Variants in GSE1 observed in about 807,000 individuals in gnomAD.
The protein encoded by GSE1 is Gse1 coiled-coil protein, also known as genetic suppressor element 1.
A neutral mutation model predicts 112.6 loss-of-function variants in GSE1; 32 were observed. That is an observed-to-expected ratio of 0.28 (90% CI 0.21 to 0.38). GSE1 has a LOEUF of 0.38. Among genes scored for constraint, GSE1 ranks in the 10% least tolerant of loss-of-function variants. The pLI is 1.00. For synonymous variants in GSE1, 1,115 were observed against 735.6 expected (o/e 1.52, Z -8.35); for missense variants, 2,348 against 1,699.2 (o/e 1.38, Z -6.71).
chr16:85,532,677 C>G (rs112257574), intron 2 of GSE1, among the ~76,000 whole-genome samples: 8,520 of 152,286 alleles, frequency 0.056, 664 homozygotes, highest in African/African-American at 0.17. Context: ...CTGAGCAGAG[C>G]CCCCAGGCTC....
chr16:85,414,598 T>C (rs1027801276), intron 2 of GSE1, among the ~76,000 whole-genome samples: 20 of 152,178 alleles, frequency 1.3e-4, no homozygotes, highest in Admixed American at 1.3e-4. Context: ...AGCATCATAA[T>C]TTTGATATGC....
chr16:85,452,340 C>T (rs752623880), intron 2 of GSE1, among the ~76,000 whole-genome samples: 10 of 152,212 alleles, frequency 6.6e-5, no homozygotes, highest in Non-Finnish European at 1.5e-4. Flanking sequence ...TAATTAACAG[C>T]GGGTGCTGAG....
At chr16:85,566,035 C>A (rs1598206087) in intron 1 of GSE1, among the ~76,000 whole-genome samples, 1 of 152,168 alleles carries the variant, frequency 6.6e-6, no homozygotes, top group Non-Finnish European at 1.5e-5. Flanking sequence ...GTTTTCTCAT[C>A]TGCTAAATGG....
chr16:85,595,702 A>G (rs1021337006), intron 1 of GSE1: 1 of 146,984 alleles, frequency 6.8e-6, no homozygotes, highest in Non-Finnish European at 1.5e-5. Context: ...CCACTCACCC[A>G]CCCATTCATT....
At chr16:85,497,184 C>T (rs1356524530) in intron 2 of GSE1, among the ~76,000 whole-genome samples, 7 of 152,264 alleles carry the variant, frequency 4.6e-5, no homozygotes, top group African/African-American at 1.7e-4. Flanking sequence ...CAGGCGTGAG[C>T]CACCATGCCT....
At chr16:85,240,600 T>C (rs1238847770) in intron 1 of GSE1, among the ~76,000 whole-genome samples, 2 of 152,214 alleles carry the variant, frequency 1.3e-5, no homozygotes, top group African/African-American at 4.8e-5. Flanking sequence ...TAGTTCCCGC[T>C]GCTAGGGGTC....
At position 85,662,965 on chromosome 16, in the gene GSE1, A is replaced by T; in HGVS notation, c.2261-16A>T. On this transcript the variant is annotated splice_polypyrimidine_tract_variant and intron_variant, in intron 9 of 15. Transcript: ENST00000253458. ...AAGGCTCTTTGTCTGGCTGAATACA[A>T]CCATTTCTCCATCAGGGTACTACTA... is the stretch of plus-strand genomic sequence containing the variant. 6.6e-7 allele frequency: 1 copy of T among 1,525,294 alleles called. No homozygotes were observed. 94.5% of individuals were successfully genotyped at this position (1,525,294 alleles called of 1,614,324 possible).
chr16:85,555,800 G>A (rs1254190798), upstream of GSE1: 4 of 973,244 alleles, frequency 4.1e-6, no homozygotes, highest in African/African-American at 7.1e-5. Flanking sequence ...ACGTCCTGGG[G>A]GCTGTTTTTT....
chr16:85,177,459 T>C (rs574567132), intron 1 of GSE1, among the ~76,000 whole-genome samples: 4 of 152,162 alleles, frequency 2.6e-5, no homozygotes, highest in Non-Finnish European at 5.9e-5. Flanking sequence ...TGACTGCACA[T>C]AGCTCCAGGT....
chr16:85,628,831 A>G (rs972045252), intron 1 of GSE1, among the ~76,000 whole-genome samples: 1 of 152,202 alleles, frequency 6.6e-6, no homozygotes, highest in African/African-American at 2.4e-5. Context: ...TGTGTGCGCC[A>G]TCTGGGGTCT....
chr16:85,323,786 A>G (rs1242420136), intron 1 of GSE1, among the ~76,000 whole-genome samples: 1 of 152,148 alleles, frequency 6.6e-6, no homozygotes, highest in Non-Finnish European at 1.5e-5. Context: ...TGCCACCCTA[A>G]TGTGCTGCAT....
At position 85,626,016 on chromosome 16, in the gene GSE1, C is replaced by T. The variant is rs756940058; in HGVS notation, c.8-7898C>T. The stretch of plus-strand genomic sequence containing the variant: ...TTGTTCCAGGTCAGGATCCTGGCCA[C>T]CTGCAAGGGCTGTCCTTTGCCTTAG... On this transcript the variant is annotated intron_variant, in intron 1 of 15. Coordinates refer to ENST00000253458, the MANE Select transcript of GSE1 (RefSeq NM_014615.5). Among the ~76,000 whole-genome samples the T allele has an allele frequency of 2.5e-4, 38 of 152,168 alleles. 1 individual carries two copies. Among genetic ancestry groups the T allele is most frequent in the Non-Finnish European group, 4.0e-4 (27 of 68,028 alleles).
chr16:85,607,676 C>T (rs1265375922), upstream of GSE1, among the ~76,000 whole-genome samples: 2 of 152,120 alleles, frequency 1.3e-5, no homozygotes, highest in Non-Finnish European at 2.9e-5. Flanking sequence ...GCATCCCTGG[C>T]GAATCTGGTT....
chr16:85,671,388 C>T lies in GSE1; in HGVS notation c.3519+290C>T, dbSNP rs547844378. ...CCGGGAGGCGGAGCTTGCAGTGAGC[C>T]GAGATTGCGCCACTGCACTCCAGCC... On this transcript the variant is annotated intron_variant, in intron 15 of 15. Coordinates refer to ENST00000253458, the MANE Select transcript of GSE1 (RefSeq NM_014615.5). Among the ~76,000 whole-genome samples, 1,181 of 142,314 alleles carry T rather than the reference C, an allele frequency of 8.3e-3. 11 individuals are homozygous for T. The highest frequency in any genetic ancestry group is 0.013 in the Non-Finnish European group (888 of 66,640). The allele number at this position is 142,314 out of a possible 152,430, so 93.4% of individuals were successfully genotyped here. A position where few individuals can be genotyped will look rare whatever the true frequency, so the allele number is the denominator to read the frequency against.
At chr16:85,347,806 C>T (rs999539336) in intron 1 of GSE1, among the ~76,000 whole-genome samples, 9 of 152,140 alleles carry the variant, frequency 5.9e-5, no homozygotes, top group African/African-American at 1.9e-4. Context: ...CACAAGCTTC[C>T]GCTCTAGGAC....
Position 85,627,687 on chromosome 16 carries a change from G to A in GSE1, c.8-6227G>A, listed in dbSNP as rs111314165. On this transcript the variant is annotated intron_variant, in intron 1 of 15. Transcript: ENST00000253458. ...ACAGCCCCCGGCCCCCCGGCCCCCC[G>A]GCCCTCATCCGTCACAGGCCTTCAC... Among the ~76,000 whole-genome samples the A allele has an allele frequency of 2.8e-3, 421 of 149,554 alleles. 2 individuals are homozygous for A. The highest frequency in any genetic ancestry group is 4.6e-3 in the Non-Finnish European group (310 of 67,710).
At chr16:85,269,559 G>T (rs1234676942) in intron 1 of GSE1, among the ~76,000 whole-genome samples, 3 of 149,340 alleles carry the variant, frequency 2.0e-5, no homozygotes, top group African/African-American at 7.3e-5. Context: ...GGCCTGTGGG[G>T]CTGGGGACCC....
intron 1 of GSE1, among the ~76,000 whole-genome samples, chr16:85,614,097 C>T (rs1431432554): frequency 6.6e-6 from 1 of 150,926 alleles, no homozygotes; most frequent in East Asian, 2.0e-4. Flanking sequence ...CCCCTCCCCC[C>T]CGCAGAAGAT....
intron 1 of GSE1, among the ~76,000 whole-genome samples, chr16:85,323,940 C>T (rs956434525): frequency 8.5e-5 from 13 of 152,216 alleles, no homozygotes; most frequent in African/African-American, 3.1e-4. Flanking sequence ...GCCTTGAGCC[C>T]AGGAGCATTT....
Sources: allele counts gnomAD v4.1 joint callset (sites outside exome capture counted in the v4.1 genomes callset), GRCh38; gene constraint gnomAD v4.1.1; transcripts MANE v1.5; gene names NCBI Gene and HGNC (gene_info 2026-07-23, HGNC 2026-07-21).